BNC2: variants seen among roughly 807,000 people sequenced by gnomAD.
BNC2 encodes zinc finger protein basonuclin-2.
BNC2 carries 20 observed loss-of-function variants against 76.3 expected under a neutral mutation model. The observed-to-expected ratio is 0.26, with a 90% CI of 0.18 to 0.38. The LOEUF (loss-of-function observed/expected upper bound fraction) is 0.38. Ranked by LOEUF, BNC2 falls within the 10% of genes least tolerant of loss-of-function variation. BNC2 has a pLI of 1.00. For synonymous variants in BNC2, 582 were observed against 514.8 expected (o/e 1.13, Z -1.77); for missense variants, 1,382 against 1,399.8 (o/e 0.99, Z 0.20).
intron 4 of BNC2, among the ~76,000 whole-genome samples, chr9:16,560,233 A>AC (rs1818967494): frequency 6.6e-6 from 1 of 152,218 alleles, no homozygotes; most frequent in East Asian, 1.9e-4. Flanking sequence ...TCACTGAATT[A>AC]ATGGGTATGT....
intron 5 of BNC2, among the ~76,000 whole-genome samples, chr9:16,459,607 G>A (rs978826008): frequency 6.6e-6 from 1 of 152,060 alleles, no homozygotes; most frequent in African/African-American, 2.4e-5. Context: ...GGGGACTCAG[G>A]ACTTGGGCCT....
chr9:16,662,830 C>T (rs971405711), intron 3 of BNC2, among the ~76,000 whole-genome samples: 4 of 152,260 alleles, frequency 2.6e-5, no homozygotes, highest in East Asian at 1.9e-4. Context: ...CTACTGCTTC[C>T]TTCTCTAGAA....
intron 4 of BNC2, among the ~76,000 whole-genome samples, chr9:16,576,087 T>C (rs914522748): frequency 2.6e-5 from 4 of 152,210 alleles, no homozygotes; most frequent in African/African-American, 4.8e-5. Context: ...CTGCTAAGCA[T>C]GTACTTCCCT....
Position 16,628,566 on chromosome 9 carries a change from C to T in BNC2, c.331-45481G>A, listed in dbSNP as rs561314401. On this transcript the variant is annotated intron_variant, in intron 3 of 6. Coordinates refer to ENST00000380672, the MANE Select transcript of BNC2 (RefSeq NM_017637.6). ...GTGAGGTGGGAAACAGGGGGAGGAA[C>T]GGCACAGGATCCAGCTACTTACAGA... Among the ~76,000 whole-genome samples, 6 of 152,192 alleles carry T rather than the reference C, an allele frequency of 3.9e-5. No individual in the cohort carries two copies. The East Asian group carries it at 5.8e-4, about 15-fold the overall frequency.
chr9:16,575,203 G>C, intron 4 of BNC2: 1 of 931,014 alleles, frequency 1.1e-6, no homozygotes, highest in Non-Finnish European at 1.3e-6. Flanking sequence ...GAGCCGCGAC[G>C]TGAATGTAAA....
intron 1 of BNC2, among the ~76,000 whole-genome samples, chr9:16,810,948 G>A (rs929975613): frequency 1.3e-5 from 2 of 152,162 alleles, no homozygotes; most frequent in Non-Finnish European, 1.5e-5. Flanking sequence ...GGCCAGCGCA[G>A]TGGCTCACGC....
intron 3 of BNC2, among the ~76,000 whole-genome samples, chr9:16,690,462 TATACATAC>T (rs138085453): frequency 1.3e-4 from 20 of 151,602 alleles, no homozygotes; most frequent in Non-Finnish European, 1.9e-4. Flanking sequence ...GTCTCAAATA[TATACATAC>T]ATACATACAT....
rs59495662 is a variant in BNC2 at position 16,837,899 on chromosome 9, G to T, written c.3+32747C>A. 1.3e-3 allele frequency among the ~76,000 whole-genome samples: 200 copies of T among 152,052 alleles called. 6 individuals carry two copies. In the East Asian group the frequency reaches 0.038, roughly 29 times the overall value. ...GCCGAGATCATACCATTGCACTCCA[G>T]CTTGGGCAACAAGAGTGAAACTCTG... On this transcript the variant is annotated intron_variant, in intron 1 of 6. Transcript: ENST00000380672.
At chr9:16,742,167 T>C (rs1035313445) in intron 1 of BNC2, among the ~76,000 whole-genome samples, 14 of 152,236 alleles carry the variant, frequency 9.2e-5, no homozygotes, top group African/African-American at 2.4e-5. Context: ...AGTGGTCTAA[T>C]GTCTATGAAT....
chr9:16,767,694 G>T (rs1325837567), intron 1 of BNC2, among the ~76,000 whole-genome samples: 1 of 152,062 alleles, frequency 6.6e-6, no homozygotes, highest in African/African-American at 2.4e-5. Flanking sequence ...TTTTATTATT[G>T]AAGTTTTCAA....
chr9:16,503,510 A>C (rs563441655), intron 5 of BNC2, among the ~76,000 whole-genome samples: 1 of 152,304 alleles, frequency 6.6e-6, no homozygotes, highest in East Asian at 1.9e-4. Flanking sequence ...GGGAGAGGAC[A>C]TTCATGTTTC....
chr9:16,781,924 T>C (rs976935875), intron 1 of BNC2, among the ~76,000 whole-genome samples: 6 of 152,162 alleles, frequency 3.9e-5, no homozygotes, highest in African/African-American at 2.4e-5. Flanking sequence ...AGGAGAAAAC[T>C]GGTAAGGATA....
At chr9:16,747,112 T>C (rs962956441) in intron 1 of BNC2, among the ~76,000 whole-genome samples, 2 of 152,074 alleles carry the variant, frequency 1.3e-5, no homozygotes, top group Admixed American at 6.6e-5. Context: ...AAGTACAGAT[T>C]ATTAAAATTT....
intron 1 of BNC2, among the ~76,000 whole-genome samples, chr9:16,806,921 C>G (rs1416010197): frequency 6.6e-6 from 1 of 152,182 alleles, no homozygotes; most frequent in South Asian, 2.1e-4. Flanking sequence ...CATCCAGAAT[C>G]TGTCTTTGTC....
chr9:16,609,341 GA>G (rs1357408272), intron 3 of BNC2, among the ~76,000 whole-genome samples: 1 of 152,116 alleles, frequency 6.6e-6, no homozygotes, highest in East Asian at 1.9e-4. Flanking sequence ...TAGAGGGGGG[GA>G]AACCATAGGG....
intron 5 of BNC2, among the ~76,000 whole-genome samples, chr9:16,494,273 C>A (rs1024428010): frequency 8.7e-4 from 132 of 152,146 alleles, no homozygotes; most frequent in African/African-American, 3.1e-3. Flanking sequence ...CTGTCTCAGC[C>A]TCCTGAGTAG....
At chr9:16,560,914 A>G (rs527777570) in intron 4 of BNC2, among the ~76,000 whole-genome samples, 1 of 152,334 alleles carries the variant, frequency 6.6e-6, no homozygotes, top group African/African-American at 2.4e-5. Flanking sequence ...CCAACGCAGG[A>G]AAGTTCAGAA....
intron 1 of BNC2, chr9:16,832,165 T>C: frequency 8.4e-6 from 5 of 597,388 alleles, no homozygotes; most frequent in South Asian, 8.1e-5. Context: ...ATTTAGTAGG[T>C]TTCATTCATG....
chr9:16,613,303 C>G (rs929167951), intron 3 of BNC2, among the ~76,000 whole-genome samples: 8 of 152,120 alleles, frequency 5.3e-5, no homozygotes, highest in Non-Finnish European at 1.0e-4. Context: ...GGAAAACGTA[C>G]TGTGTTAAAG....
Sources: gnomAD v4.1 joint callset for allele counts (sites outside exome capture counted in the v4.1 genomes callset) on GRCh38, gnomAD v4.1.1 for gene constraint, MANE v1.5 for transcripts, NCBI Gene and HGNC (gene_info 2026-07-23, HGNC 2026-07-21) for gene names.